DLGAP2: variants seen among roughly 807,000 people sequenced by gnomAD.
DLGAP2 encodes the protein disks large-associated protein 2.
In DLGAP2, 26 loss-of-function variants were observed where a neutral mutation model predicts 100.3. The observed-to-expected ratio is 0.26, with a 90% CI of 0.19 to 0.36. The LOEUF (loss-of-function observed/expected upper bound fraction) is 0.36. DLGAP2 is among the 10% of genes least tolerant of loss of function. The pLI, the probability that DLGAP2 is intolerant of heterozygous loss-of-function variation, is 1.00. For missense variants in DLGAP2, 1,858 were observed against 1,453.2 expected (o/e 1.28, Z -4.53); for synonymous variants, 886 against 630.1 (o/e 1.41, Z -6.08).
intron 1 of DLGAP2, among the ~76,000 whole-genome samples, chr8:835,018 C>T (rs1004151770): frequency 6.6e-6 from 1 of 152,258 alleles, no homozygotes; most frequent in East Asian, 1.9e-4. Context: ...TGTTGGGGTG[C>T]ACAGGTGCAT....
At chr8:884,534 C>G (rs1040172816) in intron 1 of DLGAP2, among the ~76,000 whole-genome samples, 6 of 151,626 alleles carry the variant, frequency 4.0e-5, no homozygotes, top group Non-Finnish European at 5.9e-5. Context: ...GATGTTAGAT[C>G]TTTGTCAGAT....
At chr8:1,502,512 C>G (rs1312811006) in intron 4 of DLGAP2, among the ~76,000 whole-genome samples, 2 of 152,220 alleles carry the variant, frequency 1.3e-5, no homozygotes, top group Non-Finnish European at 2.9e-5. Context: ...TCCACTGCAA[C>G]TGAGTCCTAG....
intron 2 of DLGAP2, among the ~76,000 whole-genome samples, chr8:956,053 C>G (rs1351540240): frequency 1.3e-5 from 2 of 152,140 alleles, no homozygotes; most frequent in Non-Finnish European, 2.9e-5. Flanking sequence ...AGTTAAATTC[C>G]CTGGTGGGGC....
At chr8:931,801 A>T (rs1798964980) in intron 2 of DLGAP2, among the ~76,000 whole-genome samples, 1 of 152,196 alleles carries the variant, frequency 6.6e-6, no homozygotes, top group Admixed American at 6.5e-5. Context: ...TTGGAGTCTT[A>T]TGACATCCTT....
At chr8:1,119,326 G>A (rs1585077911) in intron 2 of DLGAP2, among the ~76,000 whole-genome samples, 1 of 152,170 alleles carries the variant, frequency 6.6e-6, no homozygotes, top group African/African-American at 2.4e-5. Flanking sequence ...AGTGTCCAGC[G>A]TGTTTAGCTA....
intron 3 of DLGAP2, among the ~76,000 whole-genome samples, chr8:1,361,079 C>T (rs1300261856): frequency 6.6e-6 from 1 of 152,318 alleles, no homozygotes; most frequent in African/African-American, 2.4e-5. Flanking sequence ...TGGCCGGGAC[C>T]AGCCCCAGGC....
chr8:1,588,154 G>T (rs1371779838), intron 6 of DLGAP2, among the ~76,000 whole-genome samples: 1 of 152,166 alleles, frequency 6.6e-6, no homozygotes, highest in Admixed American at 6.5e-5. Flanking sequence ...CCTTCAGAAT[G>T]TCTAACAGCA....
At chr8:1,019,888 C>A (rs751977392) in intron 2 of DLGAP2, among the ~76,000 whole-genome samples, 2 of 152,134 alleles carry the variant, frequency 1.3e-5, no homozygotes, top group Non-Finnish European at 2.9e-5. Context: ...GTAGCGTTCC[C>A]TTCCGGGATG....
At chr8:1,105,496 G>A (rs566104878) in intron 2 of DLGAP2, among the ~76,000 whole-genome samples, 3 of 152,278 alleles carry the variant, frequency 2.0e-5, no homozygotes, top group South Asian at 2.1e-4. Flanking sequence ...ATGCAGGGAG[G>A]GGGTAGCCAT....
At chr8:1,238,549 T>C (rs77144019) in intron 2 of DLGAP2, among the ~76,000 whole-genome samples, 66,348 of 70,930 alleles carry the variant, frequency 0.94, 31,213 homozygotes, top group Middle Eastern at 0.98. Flanking sequence ...TCTCACATGG[T>C]GCCGTGTCTA....
chr8:1,322,198 G>T (rs558052148), intron 3 of DLGAP2, among the ~76,000 whole-genome samples: 3 of 152,060 alleles, frequency 2.0e-5, no homozygotes, highest in Non-Finnish European at 4.4e-5. Context: ...GAATTAATTA[G>T]CCACTAAATA....
At chr8:1,413,763 T>G (rs1796799419) in intron 3 of DLGAP2, among the ~76,000 whole-genome samples, 1 of 152,202 alleles carries the variant, frequency 6.6e-6, no homozygotes, top group African/African-American at 2.4e-5. Context: ...GACAGGATGA[T>G]GGGGTTAGAT....
chr8:1,220,705 A>C (rs1798299242), intron 2 of DLGAP2, among the ~76,000 whole-genome samples: 2 of 152,200 alleles, frequency 1.3e-5, no homozygotes, highest in South Asian at 4.1e-4. Flanking sequence ...TGAGATGTTA[A>C]AATCTCCCAC....
At chr8:845,030 A>G (rs1217101713) in intron 1 of DLGAP2, among the ~76,000 whole-genome samples, 1 of 152,232 alleles carries the variant, frequency 6.6e-6, no homozygotes, top group South Asian at 2.1e-4. Flanking sequence ...AATGACATTC[A>G]TTTGTACAGA....
At chr8:1,205,668 C>A (rs1246208469) in intron 2 of DLGAP2, among the ~76,000 whole-genome samples, 1 of 152,110 alleles carries the variant, frequency 6.6e-6, no homozygotes, top group Non-Finnish European at 1.5e-5. Flanking sequence ...GGTGGGAAGG[C>A]TGGACAGGTA....
At chr8:1,629,927 C>T (rs563580238) in intron 7 of DLGAP2, among the ~76,000 whole-genome samples, 1 of 152,226 alleles carries the variant, frequency 6.6e-6, no homozygotes, top group African/African-American at 2.4e-5. Flanking sequence ...TTTTGATGAA[C>T]CCAAGATGGT....
chr8:852,275 T>C (rs895359688), intron 1 of DLGAP2, among the ~76,000 whole-genome samples: 9 of 152,184 alleles, frequency 5.9e-5, no homozygotes, highest in Non-Finnish European at 4.4e-5. Context: ...TGCACGTGGA[T>C]CTGGAGGCCA....
chr8:1,326,163 G>T (rs1240972292), intron 3 of DLGAP2, among the ~76,000 whole-genome samples: 2 of 152,154 alleles, frequency 1.3e-5, no homozygotes, highest in Non-Finnish European at 2.9e-5. Context: ...TTTGAATAAA[G>T]ATTGGAAGTC....
At chr8:1,231,607 G>C (rs752394247) in intron 2 of DLGAP2, among the ~76,000 whole-genome samples, 1 of 152,142 alleles carries the variant, frequency 6.6e-6, no homozygotes, top group Non-Finnish European at 1.5e-5. Context: ...AGGTGGACTG[G>C]ATAAAGAAAA....
Sources: gnomAD v4.1 joint callset for allele counts (sites outside exome capture counted in the v4.1 genomes callset) on GRCh38, gnomAD v4.1.1 for gene constraint, MANE v1.5 for transcripts, NCBI Gene and HGNC (gene_info 2026-07-23, HGNC 2026-07-21) for gene names.